Variants in MGAT1 observed in about 807,000 individuals in gnomAD.
The protein encoded by MGAT1 is alpha-1,3-mannosyl-glycoprotein 2-beta-N-acetylglucosaminyltransferase.
MGAT1 carries 14 observed loss-of-function variants against 31.7 expected under a neutral mutation model. That is an observed-to-expected ratio of 0.44 (90% confidence interval 0.29 to 0.69). The LOEUF (loss-of-function observed/expected upper bound fraction) is 0.69, where lower values mean the gene tolerates loss of function less well. MGAT1 is among the 30% of genes least tolerant of loss of function. MGAT1 has a pLI of 0.12. For synonymous variants in MGAT1, 338 were observed against 276.0 expected (o/e 1.22, Z -2.23); for missense variants, 557 against 626.0 (o/e 0.89, Z 1.18).
In MGAT1 at chr5:180,785,126, C is replaced by T. The variant is rs1272151748; in HGVS notation, c.*6508G>A. On this transcript the variant is annotated 3_prime_UTR_variant, in exon 2 of 2. Transcript: ENST00000307826. Reference sequence around the variant, plus strand: ...CCATCCTTTAATTCAAGAACATCTACGTAAATAATAGAACCAGTCTCCTAG... The same window carrying T: ...CCATCCTTTAATTCAAGAACATCTATGTAAATAATAGAACCAGTCTCCTAG... 2.0e-5 allele frequency: 3 copies of T among 152,178 alleles called. No homozygotes were observed. The highest frequency in any genetic ancestry group is 4.1e-4 in the South Asian group (2 of 4,834). 9.4% of individuals were successfully genotyped at this position (152,178 alleles called of 1,614,324 possible). A position where few individuals can be genotyped will look rare whatever the true frequency, so the allele number is the denominator to read the frequency against.
At chr5:180,814,632 T>C (rs1434900240) in intron 1 of MGAT1, among the ~76,000 whole-genome samples, 1 of 152,196 alleles carries the variant, frequency 6.6e-6, no homozygotes, top group Non-Finnish European at 1.5e-5. Flanking sequence ...TCTGTTTCTA[T>C]TGCTTATGAC....
At chr5:180,799,206 C>T (rs1003229703) in intron 1 of MGAT1, among the ~76,000 whole-genome samples, 1 of 152,188 alleles carries the variant, frequency 6.6e-6, no homozygotes, top group African/African-American at 2.4e-5. Flanking sequence ...ATCCAAAGCC[C>T]TTCAGACAGA....
intron 1 of MGAT1, among the ~76,000 whole-genome samples, chr5:180,797,429 A>G (rs56262832): frequency 0.041 from 3,649 of 88,526 alleles, 50 homozygotes; most frequent in African/African-American, 0.056. Context: ...AAAAAAAAAA[A>G]GGGGGGGGGG....
chr5:180,799,187 T>G lies in MGAT1; in HGVS notation c.-127+3493A>C, dbSNP rs117556387. Among the ~76,000 whole-genome samples the G allele has an allele frequency of 4.4e-4, 67 of 152,288 alleles. No homozygotes were observed. In the East Asian group the frequency reaches 0.013, roughly 28 times the overall value. On this transcript the variant is annotated intron_variant, in intron 1 of 1. Coordinates refer to ENST00000307826, the MANE Select transcript of MGAT1 (RefSeq NM_002406.4). ...CCCACAAACTCAAACTCAAACTCAT[T>G]ATGATGACATCCAAAGCCCTTCAGA...
At chr5:180,812,897 C>T (rs1446257351) in intron 1 of MGAT1, among the ~76,000 whole-genome samples, 1 of 151,928 alleles carries the variant, frequency 6.6e-6, no homozygotes, top group Non-Finnish European at 1.5e-5. Flanking sequence ...AATAAAAAAG[C>T]AAAAACCACC....
At chr5:180,814,949 A>T (rs1772780130) in intron 1 of MGAT1, among the ~76,000 whole-genome samples, 1 of 151,550 alleles carries the variant, frequency 6.6e-6, no homozygotes, top group Non-Finnish European at 1.5e-5. Context: ...TCAAAAAAAA[A>T]AAAAAATTAA....
At chr5:180,812,602 A>C (rs1389225355) in intron 1 of MGAT1, among the ~76,000 whole-genome samples, 1 of 152,168 alleles carries the variant, frequency 6.6e-6, no homozygotes, top group Admixed American at 6.6e-5. Flanking sequence ...AACAGGTACA[A>C]ATTTCACAGT....
At chr5:180,811,382 A>G (rs951565570) in intron 1 of MGAT1, 1 of 152,194 alleles carries the variant, frequency 6.6e-6, no homozygotes, top group Non-Finnish European at 1.5e-5. Flanking sequence ...TTGCTTAATT[A>G]TATTGCTTGG....
At chr5:180,804,421 T>A (rs2113521614), upstream of MGAT1, among the ~76,000 whole-genome samples, 1 of 152,286 alleles carries the variant, frequency 6.6e-6, no homozygotes, top group Non-Finnish European at 1.5e-5. Context: ...AGCCCAGACC[T>A]GGAGGTGGAG....
intron 1 of MGAT1, among the ~76,000 whole-genome samples, chr5:180,811,658 G>GCCCTCCCTA (rs1477358374): frequency 5.9e-5 from 9 of 151,954 alleles, no homozygotes; most frequent in African/African-American, 1.7e-4. Context: ...AGGTCTCCCT[G>GCCCTCCCTA]CCCTCCCTAC....
upstream of MGAT1, among the ~76,000 whole-genome samples, chr5:180,806,852 G>A (rs1364882159): frequency 6.6e-6 from 1 of 152,176 alleles, no homozygotes; most frequent in Non-Finnish European, 1.5e-5. Flanking sequence ...ACGTATCCCC[G>A]AGGGATCACT....
At position 180,792,947 on chromosome 5, in the gene MGAT1, G is replaced by C. The variant is rs1768557003; in HGVS notation, c.25C>G (p.Leu9Val). MLKKQSAGLVLWGAILFVA... is the reference protein window; with the variant it reads MLKKQSAGVVLWGAILFVA... ...AAGAGGATAGCGCCCCACAGCACAA[G>C]CCCTGCAGACTGCTTCTTCAGCATC... is the stretch of plus-strand genomic sequence containing the variant. Residue 9 changes from leucine to valine, a missense_variant, in exon 2 of 2, where the codon CTT becomes GTT. Transcript: ENST00000307826. The C allele has an allele frequency of 1.9e-6, 3 of 1,613,522 alleles. No homozygotes were observed. The highest frequency in any genetic ancestry group is 2.5e-6 in the Non-Finnish European group (3 of 1,179,962).
At chr5:180,799,019 T>C (rs150294493) in intron 1 of MGAT1, among the ~76,000 whole-genome samples, 27 of 152,338 alleles carry the variant, frequency 1.8e-4, no homozygotes, top group African/African-American at 5.8e-4. Context: ...TCTGGACTCT[T>C]GATGTAGTTT....
At chr5:180,813,301 T>C (rs1032938495) in intron 1 of MGAT1, among the ~76,000 whole-genome samples, 1 of 152,250 alleles carries the variant, frequency 6.6e-6, no homozygotes, top group African/African-American at 2.4e-5. Context: ...TTTATTCCAC[T>C]AATTGCTAGT....
chr5:180,803,283 CG>C (rs1165438066), upstream of MGAT1: 2 of 152,664 alleles, frequency 1.3e-5, no homozygotes, highest in Non-Finnish European at 2.9e-5. Flanking sequence ...GACGGGGGGC[CG>C]GGGGGAAACA....
intron 2 of MGAT1, among the ~76,000 whole-genome samples, chr5:180,808,019 TC>T (rs1424305232): frequency 6.6e-6 from 1 of 152,210 alleles, no homozygotes; most frequent in African/African-American, 2.4e-5. Context: ...AAGTCAGTTT[TC>T]CCCCATTTTG....
Position 180,791,947 on chromosome 5 carries a change from G to A in MGAT1, c.1025C>T (p.Thr342Ile). 6.2e-7 allele frequency: 1 copy of A among 1,614,190 alleles called. No individual in the cohort carries two copies. The highest frequency in any genetic ancestry group is 8.5e-7 in the Non-Finnish European group (1 of 1,180,046). ...IKLNQQFVHF[T>I]QLDLSYLQRE... is the part of the protein sequence containing the mutation. ...CTGCAGGTAAGACAGGTCCAGCTGG[G>A]TGAAGTGCACAAACTGCTGGTTCAG... The change falls in exon 2 of 2, where the codon ACC becomes ATC. Residue 342 changes from threonine (T) to isoleucine (I), a missense_variant. Coordinates refer to ENST00000307826, the MANE Select transcript of MGAT1 (RefSeq NM_002406.4).
intron 1 of MGAT1, among the ~76,000 whole-genome samples, chr5:180,811,678 C>T (rs1230027587): frequency 6.6e-6 from 1 of 152,180 alleles, no homozygotes; most frequent in Non-Finnish European, 1.5e-5. Context: ...CCCTCCCAGT[C>T]GCTGGGTTTC....
At chr5:180,804,255 C>G (rs35747419), upstream of MGAT1, among the ~76,000 whole-genome samples, 19,254 of 152,214 alleles carry the variant, frequency 0.13, 1,264 homozygotes, top group East Asian at 0.24. Flanking sequence ...AAACGTGCTG[C>G]AAGCCACCAG....
Sources: gnomAD v4.1 joint callset for allele counts (sites outside exome capture counted in the v4.1 genomes callset) on GRCh38, gnomAD v4.1.1 for gene constraint, MANE v1.5 for transcripts, NCBI Gene and HGNC (gene_info 2026-07-23, HGNC 2026-07-21) for gene names.